RAB3GAP1: variants seen among roughly 807,000 people sequenced by gnomAD.
RAB3GAP1 encodes the protein rab3 GTPase-activating protein catalytic subunit.
A neutral mutation model predicts 130.7 loss-of-function variants in RAB3GAP1; 86 were observed. The ratio of observed to expected loss-of-function variants is 0.66; its 90% CI spans 0.55 to 0.79. RAB3GAP1 has a LOEUF of 0.79. Among genes scored for constraint, RAB3GAP1 ranks in the 30% least tolerant of loss-of-function variants. RAB3GAP1 has a pLI of 0.00. For missense variants in RAB3GAP1, 1,029 were observed against 1,169.4 expected (o/e 0.88, Z 1.75); for synonymous variants, 367 against 401.7 (o/e 0.91, Z 1.03).
intron 8 of RAB3GAP1, among the ~76,000 whole-genome samples, chr2:135,121,143 C>CT (rs1409506410): frequency 6.6e-6 from 1 of 152,020 alleles, no homozygotes; most frequent in Non-Finnish European, 1.5e-5. Flanking sequence ...GACAATCTGT[C>CT]TTTGAAAGCC....
intron 17 of RAB3GAP1, chr2:135,137,195 G>A (rs867035648): frequency 8.9e-5 from 36 of 404,372 alleles, no homozygotes; most frequent in Middle Eastern, 1.7e-3. Flanking sequence ...ATTTCATGTT[G>A]ACTTGATACC....
chr2:135,085,103 G>A (rs564834120), intron 3 of RAB3GAP1, among the ~76,000 whole-genome samples: 21 of 152,156 alleles, frequency 1.4e-4, no homozygotes, highest in Non-Finnish European at 2.5e-4. Flanking sequence ...GGTAGCTGTA[G>A]GGGTAAAACT....
chr2:135,110,496 G>C (rs184190266), intron 5 of RAB3GAP1, among the ~76,000 whole-genome samples: 2 of 152,254 alleles, frequency 1.3e-5, no homozygotes, highest in South Asian at 2.1e-4. Context: ...AGAATGGATG[G>C]GGGGAGACAT....
At chr2:135,104,699 A>AAAATAAATAAAT (rs59733454) in intron 5 of RAB3GAP1, among the ~76,000 whole-genome samples, 67 of 148,862 alleles carry the variant, frequency 4.5e-4, no homozygotes, top group African/African-American at 1.4e-3. Context: ...CTAAAAATAC[A>AAAATAAATAAAT]AAATAAATAA....
At chr2:135,107,405 T>A (rs976915694) in intron 5 of RAB3GAP1, among the ~76,000 whole-genome samples, 1 of 151,748 alleles carries the variant, frequency 6.6e-6, no homozygotes, top group Admixed American at 6.6e-5. Context: ...GTAATATATA[T>A]GACAATATTG....
chr2:135,081,565 CTG>C (rs1477290581), intron 3 of RAB3GAP1, among the ~76,000 whole-genome samples: 1 of 151,252 alleles, frequency 6.6e-6, no homozygotes, highest in Non-Finnish European at 1.5e-5. Flanking sequence ...GACCAGATAT[CTG>C]TTGGAATTGA....
chr2:135,072,981 CA>C (rs1403395582), intron 3 of RAB3GAP1, among the ~76,000 whole-genome samples: 2 of 152,118 alleles, frequency 1.3e-5, no homozygotes, highest in Non-Finnish European at 2.9e-5. Flanking sequence ...TTTTTAAGCC[CA>C]GGGGTAGGAC....
Position 135,113,282 on chromosome 2 carries a change from T to G in RAB3GAP1, c.482+12T>G. 3 of 1,613,984 alleles carry G rather than the reference T, an allele frequency of 1.9e-6. No individual in the cohort carries two copies. In the South Asian group the frequency reaches 3.3e-5, roughly 18 times the overall value. Reference sequence around the variant, plus strand: ...GGAAACACTGGCTGGTGAGTGGACATTTTTTAAAACCTAGACAAAAAAACT... The same window carrying G: ...GGAAACACTGGCTGGTGAGTGGACAGTTTTTAAAACCTAGACAAAAAAACT... On this transcript the variant is annotated intron_variant, in intron 6 of 23. Transcript: ENST00000264158.
chr2:135,133,320 T>C lies in RAB3GAP1; in HGVS notation c.1326+336T>C, dbSNP rs1691597651. 2.0e-5 allele frequency among the ~76,000 whole-genome samples: 3 copies of C among 152,126 alleles called. No homozygotes were observed. The South Asian group carries it at 6.2e-4, about 31-fold the overall frequency. On this transcript the variant is annotated intron_variant, in intron 14 of 23. Coordinates refer to ENST00000264158, the MANE Select transcript of RAB3GAP1 (RefSeq NM_012233.3). ...AACTAGTTAGTGAATGGACAACTCT[T>C]TAATGAAGTAAAATGTGTAAAATTA...
intron 5 of RAB3GAP1, among the ~76,000 whole-genome samples, chr2:135,112,746 C>G (rs72978359): frequency 0.024 from 3,614 of 151,904 alleles, 163 homozygotes; most frequent in African/African-American, 0.083. Flanking sequence ...ATGTGATCAA[C>G]TTGTTAGTAA....
chr2:135,097,601 T>G (rs894888586), intron 5 of RAB3GAP1, among the ~76,000 whole-genome samples: 1 of 152,164 alleles, frequency 6.6e-6, no homozygotes. Flanking sequence ...GAGTGTCATA[T>G]AAATAGAATT....
At chr2:135,128,119 G>T (rs1691411497) in intron 11 of RAB3GAP1, among the ~76,000 whole-genome samples, 1 of 152,144 alleles carries the variant, frequency 6.6e-6, no homozygotes, top group Non-Finnish European at 1.5e-5. Flanking sequence ...TCATTCATAT[G>T]CTATTTGTCA....
rs955481685 is a variant in RAB3GAP1 at position 135,170,080 on chromosome 2, C to A, written c.*1299C>A. 1 of 184,014 alleles carries A rather than the reference C, an allele frequency of 5.4e-6. No homozygotes were observed. The highest frequency in any genetic ancestry group is 5.9e-5 in the Admixed American group (1 of 16,862). 11.4% of individuals were successfully genotyped at this position (184,014 alleles called of 1,614,324 possible). A position where few individuals can be genotyped will look rare whatever the true frequency, so the allele number is the denominator to read the frequency against. ...GGGGAGGCCCTGGGGGATGACCTCCCAGCCTTTATGATGCTTTTCTCTATG... is the reference window on the plus strand; with the variant it reads ...GGGGAGGCCCTGGGGGATGACCTCCAAGCCTTTATGATGCTTTTCTCTATG... On this transcript the variant is annotated 3_prime_UTR_variant, in exon 24 of 24. Coordinates refer to ENST00000264158, the MANE Select transcript of RAB3GAP1 (RefSeq NM_012233.3).
At chr2:135,059,388 G>C (rs1260563655) in intron 3 of RAB3GAP1, among the ~76,000 whole-genome samples, 1 of 152,094 alleles carries the variant, frequency 6.6e-6, no homozygotes, top group Non-Finnish European at 1.5e-5. Flanking sequence ...TATTTACTGA[G>C]TACCTGCTAT....
chr2:135,076,694 A>T (rs1000043566), intron 3 of RAB3GAP1, among the ~76,000 whole-genome samples: 3 of 152,210 alleles, frequency 2.0e-5, no homozygotes, highest in African/African-American at 7.2e-5. Context: ...TACCATTTTT[A>T]AATGTATAGT....
intron 11 of RAB3GAP1, 51 bp from the exon 12 acceptor site, chr2:135,129,944 A>AT (rs112212040): frequency 0.04 from 36,180 of 898,532 alleles, 22 homozygotes; most frequent in Admixed American, 0.071. Flanking sequence ...TATAGGACTG[A>AT]TTTTTTTTTT....
chr2:135,092,837 G>C (rs928495775), intron 4 of RAB3GAP1, among the ~76,000 whole-genome samples: 1 of 152,162 alleles, frequency 6.6e-6, no homozygotes, highest in African/African-American at 2.4e-5. Flanking sequence ...TGTAACTTAT[G>C]GTGGGAGTTA....
At chr2:135,147,044 A>G (rs555300712) in intron 17 of RAB3GAP1, among the ~76,000 whole-genome samples, 3 of 152,072 alleles carry the variant, frequency 2.0e-5, no homozygotes, top group South Asian at 4.2e-4. Context: ...TGTTGATTCT[A>G]CTTCTAAAAA....
chr2:135,131,719 C>T (rs529412762), intron 13 of RAB3GAP1, among the ~76,000 whole-genome samples: 22 of 152,350 alleles, frequency 1.4e-4, no homozygotes, highest in African/African-American at 5.1e-4. Context: ...GAATAAGTCA[C>T]TTCAGTTTCC....
Sources: gnomAD v4.1 joint callset for allele counts (sites outside exome capture counted in the v4.1 genomes callset) on GRCh38, gnomAD v4.1.1 for gene constraint, MANE v1.5 for transcripts, NCBI Gene and HGNC (gene_info 2026-07-23, HGNC 2026-07-21) for gene names.